Variants in CNGA3 observed in about 807,000 individuals in gnomAD.
The protein encoded by CNGA3 is cyclic nucleotide gated channel subunit alpha 3, also known as cyclic nucleotide-gated channel alpha-3.
Under a neutral mutation model 46.6 loss-of-function variants are expected in CNGA3, and 42 were observed. The ratio of observed to expected loss-of-function variants is 0.90; its 90% CI spans 0.70 to 1.17. The LOEUF (loss-of-function observed/expected upper bound fraction) is 1.17. CNGA3 is among the 50% of genes most tolerant of loss of function. The pLI is 0.00. For missense variants in CNGA3, 893 were observed against 890.7 expected (o/e 1.00, Z -0.03); for synonymous variants, 394 against 369.4 (o/e 1.07, Z -0.76).
intron 4 of CNGA3, among the ~76,000 whole-genome samples, chr2:98,381,577 G>A (rs998473761): frequency 4.3e-4 from 66 of 152,312 alleles, no homozygotes; most frequent in South Asian, 8.3e-4. Flanking sequence ...CGAACGGCAC[G>A]GGCATTTTTA....
intron 7 of CNGA3, 140 bp downstream of exon 7, chr2:98,392,110 G>A: frequency 2.7e-6 from 2 of 745,052 alleles, no homozygotes; most frequent in Admixed American, 2.0e-5. Context: ...AGTGAGGGTA[G>A]GTGGTGCGGC....
rs779876718 is a variant in CNGA3, at chr2:98,380,295, C to G, written c.336C>G (p.Ser112Arg). 6 of 1,614,138 alleles carry G rather than the reference C, an allele frequency of 3.7e-6. No homozygotes were observed. The highest frequency in any genetic ancestry group is 5.1e-6 in the Non-Finnish European group (6 of 1,180,026). The change falls in exon 4 of 8, where the codon AGC becomes AGG. Residue 112 changes from serine to arginine, a missense_variant. Coordinates refer to ENST00000272602, the MANE Select transcript of CNGA3 (RefSeq NM_001298.3). ...GAGCCGAGCTTAAGGAGGTGTCCAG[C>G]CAAGAAAGCAATGCCCAGGCAAATG... ...FRGAELKEVS[S>R]QESNAQANVG... is the part of the protein sequence containing the mutation.
At position 98,376,341 on chromosome 2, in the gene CNGA3, G is replaced by C. The variant is rs572305127; in HGVS notation, c.102-1346G>C. Among the ~76,000 whole-genome samples, 157 of 152,248 alleles carry C rather than the reference G, an allele frequency of 1.0e-3. 1 individual carries two copies. The highest frequency in any genetic ancestry group is 3.5e-3 in the African/African-American group (146 of 41,540). On this transcript the variant is annotated intron_variant, in intron 2 of 7. Transcript: ENST00000272602. ...AAGGAAGAGACTTGACCCCAAGGAGGAATTGCTGGGTGAGCTGGGGGTTCT... is the reference window on the plus strand; with the variant it reads ...AAGGAAGAGACTTGACCCCAAGGAGCAATTGCTGGGTGAGCTGGGGGTTCT...
intron 5 of CNGA3, among the ~76,000 whole-genome samples, chr2:98,387,078 C>T (rs1051170531): frequency 3.3e-5 from 5 of 152,194 alleles, no homozygotes; most frequent in Admixed American, 6.5e-5. Context: ...CCAGCTATTA[C>T]GGTAAACTCT....
chr2:98,379,032 G>A (rs140474445), intron 3 of CNGA3, among the ~76,000 whole-genome samples: 48 of 152,362 alleles, frequency 3.2e-4, no homozygotes, highest in East Asian at 7.7e-4. Context: ...CTCTCTGTGC[G>A]TCAGTTGTCT....
chr2:98,351,078 G>C (rs546568515), intron 1 of CNGA3: 34 of 152,294 alleles, frequency 2.2e-4, no homozygotes, highest in African/African-American at 8.2e-4. Context: ...TCTAAGACTT[G>C]AACTGTCTTT....
At chr2:98,356,832 C>A (rs935500938) in intron 1 of CNGA3, among the ~76,000 whole-genome samples, 1 of 152,158 alleles carries the variant, frequency 6.6e-6, no homozygotes, top group Non-Finnish European at 1.5e-5. Flanking sequence ...GAGCAAGGGG[C>A]TCGAAATGTT....
chr2:98,384,817 C>T (rs1430497195), intron 5 of CNGA3, among the ~76,000 whole-genome samples: 1 of 152,122 alleles, frequency 6.6e-6, no homozygotes, highest in Admixed American at 6.5e-5. Flanking sequence ...GGGCTGCACC[C>T]GGCTCTTCAA....
chr2:98,371,495 C>G (rs981681130), intron 2 of CNGA3, among the ~76,000 whole-genome samples: 2 of 152,170 alleles, frequency 1.3e-5, no homozygotes, highest in Non-Finnish European at 2.9e-5. Flanking sequence ...AGCCCTTGAA[C>G]CCCACCTTCT....
rs1558818441 is a variant in CNGA3, at chr2:98,392,599, A to AAAGAAAAG, written c.673+631_673+632insGAAAAGAA. Among the ~76,000 whole-genome samples, 637 of 151,444 alleles carry AAAGAAAAG rather than the reference A, an allele frequency of 4.2e-3. 5 individuals carry two copies. Among genetic ancestry groups the AAAGAAAAG allele is most frequent in the African/African-American group, 0.015 (617 of 40,892 alleles). On this transcript the variant is annotated intron_variant, in intron 7 of 7. Coordinates refer to ENST00000272602, the MANE Select transcript of CNGA3 (RefSeq NM_001298.3). Reference sequence around the variant, plus strand: ...AAAAAGAAAAGAAAAGAAAAGAAAAAAAAAGAAAAGAAGTAAGCAGGCCGG... The same window carrying AAAGAAAAG: ...AAAAAGAAAAGAAAAGAAAAGAAAAAAAGAAAAGAAAAGAAAAGAAGTAAGCAGGCCGG...
intron 1 of CNGA3, among the ~76,000 whole-genome samples, chr2:98,363,644 G>C (rs925726214): frequency 6.6e-6 from 1 of 152,074 alleles, no homozygotes; most frequent in Non-Finnish European, 1.5e-5. Flanking sequence ...TATTGGATAT[G>C]GGTTTGTCAT....
chr2:98,367,310 T>G (rs935204806), intron 1 of CNGA3, among the ~76,000 whole-genome samples: 1 of 151,186 alleles, frequency 6.6e-6, no homozygotes, highest in Non-Finnish European at 1.5e-5. Flanking sequence ...TTCTCCTGCC[T>G]CAGCCTCCCG....
intron 2 of CNGA3, among the ~76,000 whole-genome samples, chr2:98,371,102 G>A (rs1340325077): frequency 1.3e-5 from 2 of 152,154 alleles, no homozygotes; most frequent in African/African-American, 4.8e-5. Context: ...TGGGATTACA[G>A]GTGTGAGCCA....
chr2:98,362,309 A>G (rs1485293179), intron 1 of CNGA3, among the ~76,000 whole-genome samples: 1 of 149,876 alleles, frequency 6.7e-6, no homozygotes, highest in African/African-American at 2.5e-5. Flanking sequence ...CCTCCCGAGT[A>G]GCTAGGATTA....
chr2:98,380,222 T>C lies in CNGA3; in HGVS notation c.263T>C (p.Val88Ala), dbSNP rs1692506157. ...CTGCGCAGGTGGGCTGCCAGGCATG[T>C]GCACCACCAGGACCAGGGACCGGAC... Reference protein sequence around the residue: ...FLLRRWAARHVHHQDQGPDSF... With the variant: ...FLLRRWAARHAHHQDQGPDSF... The change falls in exon 4 of 8, where the codon GTG (valine) becomes GCG (alanine). Residue 88 changes from valine to alanine, a missense_variant. By Grantham distance (64) the Val-to-Ala change is moderately conservative. Around this residue, in one of 3 missense-constraint regions of CNGA3, gnomAD observed 333 missense variants for 290.8 expected, o/e 1.15. Coordinates refer to ENST00000272602, the MANE Select transcript of CNGA3 (RefSeq NM_001298.3). The C allele has an allele frequency of 3.1e-6, 5 of 1,614,194 alleles. No homozygotes were observed. The highest frequency in any genetic ancestry group is 4.2e-6 in the Non-Finnish European group (5 of 1,180,024).
chr2:98,377,229 C>T (rs747036765), intron 2 of CNGA3: 16 of 179,272 alleles, frequency 8.9e-5, no homozygotes, highest in Non-Finnish European at 1.3e-4. Flanking sequence ...CTGCAGCACA[C>T]GCAGTGGGAA....
In CNGA3 at chr2:98,391,894, C is replaced by T. The variant is rs143265049; in HGVS notation, c.597C>T (p.Tyr199=). Residue 199 remains tyrosine (Y), a synonymous_variant, in exon 7 of 8, where the codon TAC becomes TAT. Coordinates refer to ENST00000272602, the MANE Select transcript of CNGA3 (RefSeq NM_001298.3). The part of the protein sequence containing the change: ...RACFDELQSE[Y]LMLWLVLDYS... ...GTTTCGATGAGCTGCAGTCCGAGTA[C>T]CTGATGCTGTGGCTGGTCCTGGACT... 9.3e-6 allele frequency: 15 copies of T among 1,614,060 alleles called. No individual in the cohort carries two copies. The highest frequency in any genetic ancestry group is 3.3e-5 in the South Asian group (3 of 91,094).
At chr2:98,385,072 T>TG (rs1692622175) in intron 5 of CNGA3, among the ~76,000 whole-genome samples, 1 of 152,184 alleles carries the variant, frequency 6.6e-6, no homozygotes, top group East Asian at 1.9e-4. Context: ...AGGGTTCTTT[T>TG]GGGGCAGTGC....
chr2:98,352,609 G>C (rs757592184), intron 1 of CNGA3, among the ~76,000 whole-genome samples: 2 of 152,188 alleles, frequency 1.3e-5, no homozygotes, highest in Non-Finnish European at 2.9e-5. Context: ...ATTTCTGGGG[G>C]TGTCTGTGAG....
Sources: gnomAD v4.1 joint callset for allele counts (sites outside exome capture counted in the v4.1 genomes callset) on GRCh38, gnomAD v4.1.1 for gene constraint, gnomAD v4.1.1 regional missense constraint, MANE v1.5 for transcripts, NCBI Gene and HGNC (gene_info 2026-07-23, HGNC 2026-07-21) for gene names.